IMPG1: variants seen among roughly 807,000 people sequenced by gnomAD.
The protein encoded by IMPG1 is interphotoreceptor matrix proteoglycan 1.
A neutral mutation model predicts 92.0 loss-of-function variants in IMPG1; 85 were observed. The ratio of observed to expected loss-of-function variants is 0.92; its 90% CI spans 0.78 to 1.11. The LOEUF (loss-of-function observed/expected upper bound fraction) is 1.11. IMPG1 is among the 50% of genes least tolerant of loss of function. The pLI is 0.00. For synonymous variants in IMPG1, 367 were observed against 334.1 expected, an observed-to-expected ratio of 1.10 and a Z score of -1.08; for missense variants, 1,022 against 956.0, an observed-to-expected ratio of 1.07 and a Z score of -0.91.
chr6:76,027,585 A>T (rs977016870), intron 4 of IMPG1, among the ~76,000 whole-genome samples: 11 of 152,248 alleles, frequency 7.2e-5, no homozygotes, highest in Non-Finnish European at 1.5e-4. Flanking sequence ...TATAGAAAAA[A>T]GCTGAAGGTT....
intron 1 of IMPG1, among the ~76,000 whole-genome samples, chr6:76,045,846 A>G (rs1783931242): frequency 6.6e-6 from 1 of 152,114 alleles, no homozygotes; most frequent in South Asian, 2.1e-4. Flanking sequence ...TATGAGTTTG[A>G]TATTTTTGGT....
rs553461296 is a variant in IMPG1 at position 76,058,896 on chromosome 6, C to T, written c.67+13526G>A. 2.6e-5 allele frequency among the ~76,000 whole-genome samples: 4 copies of T among 152,182 alleles called. No individual in the cohort carries two copies. The South Asian group carries it at 8.3e-4, about 32-fold the overall frequency. Reference sequence around the variant, plus strand: ...TTTCCTAGAGTGAGATTAACAAAGCCAATGGGACAGAGGTCAAAGAGCAAG... The same window carrying T: ...TTTCCTAGAGTGAGATTAACAAAGCTAATGGGACAGAGGTCAAAGAGCAAG... On this transcript the variant is annotated intron_variant, in intron 1 of 16. Transcript: ENST00000369950.
intron 12 of IMPG1, among the ~76,000 whole-genome samples, chr6:75,993,801 A>C (rs1782854109): frequency 6.6e-6 from 1 of 152,204 alleles, no homozygotes; most frequent in Non-Finnish European, 1.5e-5. Context: ...AGCATTTAAA[A>C]GTTTATTCAA....
chr6:75,922,659 C>T (rs894506671), intron 16 of IMPG1, among the ~76,000 whole-genome samples: 3 of 152,188 alleles, frequency 2.0e-5, no homozygotes, highest in Admixed American at 2.0e-4. Context: ...ATAATTCTAT[C>T]TGGTACTTCG....
intron 12 of IMPG1, among the ~76,000 whole-genome samples, chr6:75,995,048 T>C (rs1782873515): frequency 6.6e-6 from 1 of 152,216 alleles, no homozygotes; most frequent in African/African-American, 2.4e-5. Flanking sequence ...CACTTTCTGT[T>C]AATGAGCCTG....
chr6:75,942,494 G>T (rs151086434), intron 14 of IMPG1, among the ~76,000 whole-genome samples: 1 of 152,162 alleles, frequency 6.6e-6, no homozygotes, highest in Non-Finnish European at 1.5e-5. Context: ...TAACTGAAAA[G>T]TCCACACCAG....
At chr6:75,944,576 A>G (rs1781891898) in intron 14 of IMPG1, among the ~76,000 whole-genome samples, 1 of 152,220 alleles carries the variant, frequency 6.6e-6, no homozygotes. Context: ...AGTTTTTGGC[A>G]GCCCTCTTGC....
At chr6:75,924,482 T>A (rs1176141403) in intron 15 of IMPG1, among the ~76,000 whole-genome samples, 4 of 80,992 alleles carry the variant, frequency 4.9e-5, no homozygotes, top group East Asian at 2.6e-4. Flanking sequence ...TAATTATATA[T>A]TATAATATAA....
At chr6:75,937,009 G>A (rs968851588) in intron 14 of IMPG1, among the ~76,000 whole-genome samples, 1 of 152,192 alleles carries the variant, frequency 6.6e-6, no homozygotes, top group African/African-American at 2.4e-5. Flanking sequence ...CAGTGTTGGG[G>A]CCTCTAGTGA....
chr6:76,028,391 C>T (rs1026105238), intron 4 of IMPG1, among the ~76,000 whole-genome samples: 35 of 152,200 alleles, frequency 2.3e-4, no homozygotes, highest in African/African-American at 8.0e-4. Context: ...AGCTGAAATG[C>T]TCACGAATAT....
chr6:76,037,243 T>A (rs896349953), intron 2 of IMPG1, among the ~76,000 whole-genome samples: 6 of 152,172 alleles, frequency 3.9e-5, no homozygotes, highest in Non-Finnish European at 5.9e-5. Flanking sequence ...GCTTTCTGTT[T>A]TAAGAAGAAA....
intron 1 of IMPG1, among the ~76,000 whole-genome samples, chr6:76,056,284 A>G (rs928996148): frequency 6.6e-6 from 1 of 152,200 alleles, no homozygotes; most frequent in African/African-American, 2.4e-5. Context: ...TTTATTCATG[A>G]TTAAAAACTC....
intron 12 of IMPG1, among the ~76,000 whole-genome samples, chr6:75,971,561 C>T (rs943797225): frequency 6.6e-6 from 1 of 152,162 alleles, no homozygotes; most frequent in Non-Finnish European, 1.5e-5. Context: ...AATTTAACCT[C>T]CCCTTAATTT....
intron 4 of IMPG1, among the ~76,000 whole-genome samples, chr6:76,027,322 G>A (rs1480420582): frequency 6.6e-6 from 1 of 152,174 alleles, no homozygotes; most frequent in East Asian, 1.9e-4. Flanking sequence ...GGGGACATAT[G>A]AAATTAATTA....
Position 75,939,350 on chromosome 6 carries a change from T to TC in IMPG1, c.2044+7963dup, listed in dbSNP as rs199840005. ...ATCTCCTAATGCTATCCCTCCCTGCTCCCCCCCACCCCACAACAGGCCCCG... is the reference window on the plus strand; with the variant it reads ...ATCTCCTAATGCTATCCCTCCCTGCTCCCCCCCCACCCCACAACAGGCCCCG... On this transcript the variant is annotated intron_variant, in intron 14 of 16. Transcript: ENST00000369950. Among the ~76,000 whole-genome samples, 1,224 of 151,834 alleles carry TC rather than the reference T, an allele frequency of 8.1e-3. 73 individuals are homozygous for TC. In the East Asian group the frequency reaches 0.17, roughly 21 times the overall value.
At chr6:76,069,745 CAA>C (rs59771309) in intron 1 of IMPG1, among the ~76,000 whole-genome samples, 2,580 of 147,668 alleles carry the variant, frequency 0.017, 57 homozygotes, top group East Asian at 0.076. Context: ...ATTGGTTGAT[CAA>C]AAAAAAAAAA....
At chr6:75,983,736 T>C (rs1478907497) in intron 12 of IMPG1, among the ~76,000 whole-genome samples, 1 of 151,886 alleles carries the variant, frequency 6.6e-6, no homozygotes, top group African/African-American at 2.4e-5. Flanking sequence ...CAGGATTACA[T>C]AAACTAAAAA....
At chr6:75,997,587 A>T (rs550773318) in intron 12 of IMPG1, among the ~76,000 whole-genome samples, 2 of 152,184 alleles carry the variant, frequency 1.3e-5, no homozygotes, top group Non-Finnish European at 2.9e-5. Context: ...AATAAGGGAC[A>T]TTGCCTTACA....
At chr6:75,993,298 C>G (rs77364439) in intron 12 of IMPG1, among the ~76,000 whole-genome samples, 10,487 of 152,186 alleles carry the variant, frequency 0.069, 428 homozygotes, top group South Asian at 0.11. Context: ...GCTGTCGTAA[C>G]AGAATACCAT....
Sources: allele counts gnomAD v4.1 joint callset (sites outside exome capture counted in the v4.1 genomes callset), GRCh38; gene constraint gnomAD v4.1.1; transcripts MANE v1.5; gene names NCBI Gene and HGNC (gene_info 2026-07-23, HGNC 2026-07-21).